RAD54B: variants seen among roughly 807,000 people sequenced by gnomAD.
RAD54B encodes the protein RAD54 homolog B.
RAD54B carries 78 observed loss-of-function variants against 95.8 expected under a neutral mutation model. The observed-to-expected ratio is 0.81, with a 90% CI of 0.68 to 0.98. The LOEUF is 0.98. Among genes scored for constraint, RAD54B ranks in the 50% least tolerant of loss-of-function variants. The pLI is 0.00. For missense variants in RAD54B, 957 were observed against 1,056.6 expected, an observed-to-expected ratio of 0.91 and a Z score of 1.31; for synonymous variants, 328 against 354.9, an observed-to-expected ratio of 0.92 and a Z score of 0.85.
rs1810705736 is a variant in RAD54B, at chr8:94,380,334, A to G, written c.2058T>C (p.Ala686=). The G allele has an allele frequency of 6.2e-7, 1 of 1,613,840 alleles. No homozygotes were observed. The change falls in exon 12 of 15, where the codon GCT becomes GCC. Residue 686 remains alanine, a synonymous_variant. Transcript: ENST00000336148. ...GTGTTTGTCCATCAAGTCTTGTATA[A>G]GCATATCCATGACGCTTACATACTT... The part of the protein sequence containing the change: ...LQEVCKRHGY[A]YTRLDGQTPI...
At chr8:94,450,752 C>T (rs993559661) in intron 3 of RAD54B, among the ~76,000 whole-genome samples, 7 of 151,624 alleles carry the variant, frequency 4.6e-5, no homozygotes, top group African/African-American at 7.3e-5. Flanking sequence ...TGGTGGTGGA[C>T]GCTTGTAGTC....
chr8:94,393,984 C>T (rs1811084343), intron 8 of RAD54B, 102 bp from the exon 9 acceptor site: 1 of 1,105,822 alleles, frequency 9.0e-7, no homozygotes, highest in Non-Finnish European at 1.3e-6. Flanking sequence ...AAATTTATTC[C>T]CTAAAAGGAA....
intron 3 of RAD54B, among the ~76,000 whole-genome samples, chr8:94,413,693 T>C (rs989983330): frequency 6.6e-6 from 1 of 152,060 alleles, no homozygotes; most frequent in Non-Finnish European, 1.5e-5. Context: ...AAATTATTAA[T>C]CAACTTTTAT....
chr8:94,406,870 G>A (rs1811400524), intron 5 of RAD54B, among the ~76,000 whole-genome samples: 1 of 152,080 alleles, frequency 6.6e-6, no homozygotes, highest in Non-Finnish European at 1.5e-5. Context: ...AGAAATACCT[G>A]CTGAGTGAAC....
intron 3 of RAD54B, among the ~76,000 whole-genome samples, chr8:94,445,904 T>A (rs183122556): frequency 2.8e-4 from 43 of 152,272 alleles, no homozygotes; most frequent in African/African-American, 1.0e-3. Context: ...ACTTTAGAAC[T>A]CTTTTTTAAA....
Position 94,411,365 on chromosome 8 carries a change from A to G in RAD54B, c.305-50T>C, listed in dbSNP as rs759331537. ...TTATTAAAAATGACTTTAATGTCTA[A>G]GTAGTAAGGTCATTCAAACAAAACC... On this transcript the variant is annotated intron_variant, in intron 3 of 14. Transcript: ENST00000336148. The G allele has an allele frequency of 4.9e-6, 7 of 1,429,718 alleles. No individual in the cohort carries two copies. In the Admixed American group the frequency reaches 1.1e-4, roughly 22 times the overall value. 88.6% of individuals were successfully genotyped at this position (1,429,718 alleles called of 1,614,324 possible). A position where few individuals can be genotyped will look rare whatever the true frequency, so the allele number is the denominator to read the frequency against.
chr8:94,372,140 G>T lies in RAD54B; in HGVS notation c.*30C>A. ...ATTACCATACTAATTTTCAAAAGAA[G>T]AGCAATGGAATGTCAGAAGTAATCT... On this transcript the variant is annotated 3_prime_UTR_variant, in exon 15 of 15. Transcript: ENST00000336148. 1 of 1,559,800 alleles carries T rather than the reference G, an allele frequency of 6.4e-7. No homozygotes were observed. The highest frequency in any genetic ancestry group is 1.2e-5 in the South Asian group (1 of 80,698).
At chr8:94,395,368 G>A (rs1586133563) in intron 8 of RAD54B, among the ~76,000 whole-genome samples, 2 of 152,260 alleles carry the variant, frequency 1.3e-5, no homozygotes, top group African/African-American at 2.4e-5. Flanking sequence ...TTTAGCTTGA[G>A]CTAAATTACA....
intron 10 of RAD54B, among the ~76,000 whole-genome samples, chr8:94,390,909 AT>A (rs1296527853): frequency 6.6e-6 from 1 of 152,112 alleles, no homozygotes; most frequent in East Asian, 1.9e-4. Flanking sequence ...TTTATACAGT[AT>A]TTTTAATAAC....
intron 3 of RAD54B, among the ~76,000 whole-genome samples, chr8:94,417,467 TACTG>T (rs1420104160): frequency 1.5e-5 from 2 of 137,140 alleles, no homozygotes; most frequent in African/African-American, 5.4e-5. Context: ...ATCTTGATTA[TACTG>T]ACTAAAATTA....
intron 3 of RAD54B, among the ~76,000 whole-genome samples, chr8:94,454,560 T>C (rs542967658): frequency 6.6e-6 from 1 of 152,206 alleles, no homozygotes; most frequent in Non-Finnish European, 1.5e-5. Context: ...ACAATATAAA[T>C]ATGATACCAA....
At chr8:94,405,406 T>C (rs535420469) in intron 5 of RAD54B, among the ~76,000 whole-genome samples, 12 of 152,278 alleles carry the variant, frequency 7.9e-5, no homozygotes, top group Admixed American at 4.6e-4. Flanking sequence ...TAGACTCCAG[T>C]AGACTATGTA....
At chr8:94,378,725 G>T in intron 12 of RAD54B, 91 bp from the exon 13 acceptor site, 1 of 868,120 alleles carries the variant, frequency 1.2e-6, no homozygotes, top group East Asian at 2.5e-5. Context: ...TTTAAAATTC[G>T]GAATTCTATA....
chr8:94,387,759 C>G (rs534724671), intron 10 of RAD54B, among the ~76,000 whole-genome samples: 1 of 152,258 alleles, frequency 6.6e-6, no homozygotes, highest in African/African-American at 2.4e-5. Context: ...TAAATTTATT[C>G]CAAGGTGATT....
At chr8:94,462,317 T>C (rs1812925898) in intron 2 of RAD54B, among the ~76,000 whole-genome samples, 1 of 152,172 alleles carries the variant, frequency 6.6e-6, no homozygotes, top group African/African-American at 2.4e-5. Flanking sequence ...TATTCAAATA[T>C]CCTATTTCCT....
chr8:94,418,456 T>C (rs1220074570), intron 3 of RAD54B, among the ~76,000 whole-genome samples: 1 of 152,240 alleles, frequency 6.6e-6, no homozygotes, highest in African/African-American at 2.4e-5. Context: ...TTTTTAACTA[T>C]TGTTTTTAAA....
intron 14 of RAD54B, among the ~76,000 whole-genome samples, chr8:94,372,719 C>G (rs2515101): frequency 0.91 from 137,811 of 152,186 alleles, 62,832 homozygotes; most frequent in Non-Finnish European, 0.96. Context: ...TGTGGGGCCA[C>G]GTTTACAAAT....
chr8:94,435,672 T>G (rs371363068), intron 3 of RAD54B, among the ~76,000 whole-genome samples: 1 of 152,118 alleles, frequency 6.6e-6, no homozygotes. Context: ...AATAGTTACA[T>G]AGAAGACAAG....
chr8:94,432,074 A>G, intron 3 of RAD54B: 1 of 1,482,974 alleles, frequency 6.7e-7, no homozygotes, highest in Non-Finnish European at 8.9e-7. Context: ...GATATTCCCA[A>G]ATTAAAGTAA....
Sources: gnomAD v4.1 joint callset for allele counts (sites outside exome capture counted in the v4.1 genomes callset) on GRCh38, gnomAD v4.1.1 for gene constraint, MANE v1.5 for transcripts, NCBI Gene and HGNC (gene_info 2026-07-23, HGNC 2026-07-21) for gene names.